The following STARD13 variants were observed in gnomAD, a reference collection of about 807,000 sequenced individuals.
The protein encoded by STARD13 is StAR related lipid transfer domain containing 13, also known as stAR-related lipid transfer protein 13.
Under a neutral mutation model 106.4 loss-of-function variants are expected in STARD13, and 62 were observed. The ratio of observed to expected loss-of-function variants is 0.58; its 90% CI spans 0.48 to 0.72. STARD13 has a LOEUF of 0.72. Among genes scored for constraint, STARD13 ranks in the 30% least tolerant of loss-of-function variants. The pLI, the probability that STARD13 is intolerant of heterozygous loss-of-function variation, is 0.00. For missense variants in STARD13, 1,387 were observed against 1,424.0 expected (o/e 0.97, Z 0.42); for synonymous variants, 565 against 553.0 (o/e 1.02, Z -0.31).
chr13:33,212,665 C>T (rs564235857), intron 1 of STARD13, among the ~76,000 whole-genome samples: 2 of 152,234 alleles, frequency 1.3e-5, no homozygotes, highest in South Asian at 2.1e-4. Flanking sequence ...CTACATATGC[C>T]TCCAACTCAA....
intron 4 of STARD13, among the ~76,000 whole-genome samples, chr13:33,139,872 A>G (rs2244820): frequency 0.36 from 54,199 of 152,018 alleles, 10,177 homozygotes; most frequent in Non-Finnish European, 0.43. Context: ...CAATCTGGCC[A>G]TGGATTCTGG....
the STARD13 span, among the ~76,000 whole-genome samples, chr13:33,628,046 C>T: frequency 5.4e-5 from 8 of 149,508 alleles, no homozygotes; most frequent in Non-Finnish European, 8.9e-5. Flanking sequence ...CTCACTGCAA[C>T]CTAATTTTAG....
chr13:33,521,452 A>G, the STARD13 span, among the ~76,000 whole-genome samples: 2 of 152,126 alleles, frequency 1.3e-5, no homozygotes, highest in Non-Finnish European at 2.9e-5. Context: ...ACAGCAAGGG[A>G]AACAGAATCT....
intron 1 of STARD13, among the ~76,000 whole-genome samples, chr13:33,170,004 G>A (rs12428573): frequency 0.11 from 17,346 of 151,980 alleles, 1,342 homozygotes; most frequent in African/African-American, 0.22. Flanking sequence ...AGAGGCTGAG[G>A]AGGGTAGTGG....
intron 1 of STARD13, among the ~76,000 whole-genome samples, chr13:33,191,131 G>A (rs980513720): frequency 6.6e-6 from 1 of 152,146 alleles, no homozygotes; most frequent in Non-Finnish European, 1.5e-5. Flanking sequence ...AACTATATAC[G>A]CGGTTTTCAG....
At chr13:33,499,736 C>T in the STARD13 span, among the ~76,000 whole-genome samples, 1 of 145,300 alleles carries the variant, frequency 6.9e-6, no homozygotes, top group Non-Finnish European at 1.5e-5. Context: ...TCTCCCTCTC[C>T]CTCTCCCTCT....
At chr13:33,472,093 G>C in the STARD13 span, among the ~76,000 whole-genome samples, 1 of 151,988 alleles carries the variant, frequency 6.6e-6, no homozygotes, top group African/African-American at 2.4e-5. Flanking sequence ...CAAGTGTCAA[G>C]TTAACCATTT....
chr13:33,463,539 C>T, the STARD13 span, among the ~76,000 whole-genome samples: 1 of 152,132 alleles, frequency 6.6e-6, no homozygotes, highest in Non-Finnish European at 1.5e-5. Flanking sequence ...GGTCCAGTGT[C>T]CAAGACCTGC....
At chr13:33,607,025 A>G in the STARD13 span, among the ~76,000 whole-genome samples, 11 of 151,450 alleles carry the variant, frequency 7.3e-5, no homozygotes, top group African/African-American at 2.7e-4. Context: ...TGCTACCTTC[A>G]TTCCTTTTGT....
the STARD13 span, among the ~76,000 whole-genome samples, chr13:33,672,396 G>A: frequency 3.9e-5 from 6 of 152,284 alleles, no homozygotes; most frequent in East Asian, 1.9e-4. Context: ...GAGAGCATTA[G>A]GACAAACACC....
the STARD13 span, among the ~76,000 whole-genome samples, chr13:33,590,537 A>C: frequency 2.6e-5 from 4 of 151,982 alleles, no homozygotes; most frequent in African/African-American, 9.7e-5. Context: ...GGATGAGTTC[A>C]TGTCCTTTGT....
intron 8 of STARD13, chr13:33,117,584 G>A: frequency 1.0e-6 from 1 of 973,794 alleles, no homozygotes; most frequent in Non-Finnish European, 1.2e-6. Flanking sequence ...CTTAAGACTT[G>A]ATTTGGTTTG....
At chr13:33,415,642 C>T in the STARD13 span, among the ~76,000 whole-genome samples, 1 of 151,968 alleles carries the variant, frequency 6.6e-6, no homozygotes, top group South Asian at 2.1e-4. Flanking sequence ...TGCTGCAGCG[C>T]TCCGCAGACC....
At chr13:33,574,379 A>G in the STARD13 span, among the ~76,000 whole-genome samples, 13 of 152,312 alleles carry the variant, frequency 8.5e-5, no homozygotes, top group African/African-American at 3.1e-4. Flanking sequence ...GACCATTTCT[A>G]GTATTTATCA....
At chr13:33,210,272 A>C (rs1170864801) in intron 1 of STARD13, among the ~76,000 whole-genome samples, 1 of 152,230 alleles carries the variant, frequency 6.6e-6, no homozygotes, top group Non-Finnish European at 1.5e-5. Context: ...GACAATTTGC[A>C]AATTCCGGCA....
At chr13:33,643,956 T>C in the STARD13 span, among the ~76,000 whole-genome samples, 3 of 152,246 alleles carry the variant, frequency 2.0e-5, no homozygotes, top group African/African-American at 7.2e-5. Context: ...AGGAGATATC[T>C]GGCTGCTCCT....
At chr13:33,371,320 G>A in the STARD13 span, among the ~76,000 whole-genome samples, 10 of 152,058 alleles carry the variant, frequency 6.6e-5, no homozygotes, top group Non-Finnish European at 1.3e-4. Context: ...TTGGGTCTGC[G>A]TGTGAAGTTG....
rs1250898584 is a variant in STARD13 at position 33,233,419 on chromosome 13, G to A, written c.169+52051C>T. Among the ~76,000 whole-genome samples the A allele has an allele frequency of 4.6e-5, 7 of 152,226 alleles. 1 individual carries two copies. In the East Asian group the frequency reaches 1.3e-3, roughly 29 times the overall value. ...GACCCCAGACTCAGTCATTAGAGGA[G>A]ACGACAGCCTGACTGCAGGGAGAGG... On this transcript the variant is annotated intron_variant, in intron 1 of 13. Transcript: ENST00000336934.
chr13:33,374,988 C>T, the STARD13 span, among the ~76,000 whole-genome samples: 1 of 152,132 alleles, frequency 6.6e-6, no homozygotes, highest in Non-Finnish European at 1.5e-5. Flanking sequence ...GAATCCATAC[C>T]TACAAATTAG....
Sources: allele counts gnomAD v4.1 joint callset (sites outside exome capture counted in the v4.1 genomes callset), GRCh38; gene constraint gnomAD v4.1.1; transcripts MANE v1.5; gene names NCBI Gene and HGNC (gene_info 2026-07-23, HGNC 2026-07-21).